ARHGEF38: variants seen among roughly 807,000 people sequenced by gnomAD.
The protein encoded by ARHGEF38 is Rho guanine nucleotide exchange factor (GEF) 38.
In ARHGEF38, 79 loss-of-function variants were observed where a neutral mutation model predicts 79.9. The ratio of observed to expected loss-of-function variants is 0.99; its 90% confidence interval spans 0.82 to 1.19. The LOEUF (loss-of-function observed/expected upper bound fraction) is 1.19, where lower values mean the gene tolerates loss of function less well. Ranked by LOEUF, ARHGEF38 falls within the 50% of genes most tolerant of loss-of-function variation. The pLI is 0.00. For synonymous variants in ARHGEF38, 366 were observed against 328.3 expected (o/e 1.11, Z -1.24); for missense variants, 962 against 907.2 (o/e 1.06, Z -0.78).
At chr4:105,634,285 G>A (rs1729313926) in intron 4 of ARHGEF38, among the ~76,000 whole-genome samples, 1 of 152,120 alleles carries the variant, frequency 6.6e-6, no homozygotes, top group African/African-American at 2.4e-5. Flanking sequence ...AATCTAAGCA[G>A]TAACTACAGA....
At chr4:105,641,299 A>G (rs1365763782) in intron 5 of ARHGEF38, among the ~76,000 whole-genome samples, 6 of 152,134 alleles carry the variant, frequency 3.9e-5, no homozygotes, top group Admixed American at 2.6e-4. Flanking sequence ...ATGGGTAACC[A>G]GTGACTGTAA....
At chr4:105,582,493 C>A (rs1471844566) in intron 1 of ARHGEF38, among the ~76,000 whole-genome samples, 1 of 151,818 alleles carries the variant, frequency 6.6e-6, no homozygotes, top group Non-Finnish European at 1.5e-5. Context: ...CTTCTGTGAC[C>A]CATCAGTTAT....
At chr4:105,647,405 C>A (rs1729891898) in intron 6 of ARHGEF38, among the ~76,000 whole-genome samples, 1 of 151,458 alleles carries the variant, frequency 6.6e-6, no homozygotes, top group African/African-American at 2.4e-5. Context: ...TTAATATTGC[C>A]TTCTTTTTAA....
chr4:105,632,465 GTATA>G (rs1729235235), intron 4 of ARHGEF38, among the ~76,000 whole-genome samples: 4 of 152,062 alleles, frequency 2.6e-5, no homozygotes, highest in African/African-American at 9.7e-5. Context: ...TTCAGTGTTA[GTATA>G]TCAATTCAGA....
At chr4:105,599,780 A>G (rs1461733441) in intron 2 of ARHGEF38, among the ~76,000 whole-genome samples, 1 of 152,214 alleles carries the variant, frequency 6.6e-6, no homozygotes, top group Non-Finnish European at 1.5e-5. Flanking sequence ...ATATGCACTT[A>G]TGTAAGGCAC....
intron 1 of ARHGEF38, among the ~76,000 whole-genome samples, chr4:105,581,035 T>TCTC (rs1726763527): frequency 9.2e-5 from 14 of 152,108 alleles, no homozygotes; most frequent in Non-Finnish European, 1.6e-4. Context: ...ATAGAGACTG[T>TCTC]AAGGAAGAAG....
At chr4:105,617,463 T>A (rs1728555064) in intron 3 of ARHGEF38, among the ~76,000 whole-genome samples, 1 of 152,162 alleles carries the variant, frequency 6.6e-6, no homozygotes, top group Non-Finnish European at 1.5e-5. Context: ...AAGAATAAAT[T>A]TGATATTGAA....
chr4:105,613,367 GT>G lies in ARHGEF38; in HGVS notation c.385-11del, dbSNP rs770409661. ...TACAGTGCTTCTCCATCAGCTCAATGTTTTTTGTTTCTTCAGACTGATAGGC... is the reference window on the plus strand; with the variant it reads ...TACAGTGCTTCTCCATCAGCTCAATGTTTTTGTTTCTTCAGACTGATAGGC... On this transcript the variant is annotated splice_polypyrimidine_tract_variant and intron_variant, in intron 2 of 13. Transcript: ENST00000420470. The G allele has an allele frequency of 9.3e-5, 149 of 1,609,010 alleles. No individual in the cohort carries two copies. The highest frequency in any genetic ancestry group is 1.2e-4 in the Non-Finnish European group (142 of 1,177,324).
chr4:105,591,375 A>T (rs1157988952), intron 2 of ARHGEF38, among the ~76,000 whole-genome samples: 2 of 151,948 alleles, frequency 1.3e-5, no homozygotes, highest in Non-Finnish European at 2.9e-5. Flanking sequence ...ACTACAGGTG[A>T]CTGCCACCAC....
chr4:105,657,494 C>T (rs1730381838), intron 9 of ARHGEF38, among the ~76,000 whole-genome samples: 1 of 152,108 alleles, frequency 6.6e-6, no homozygotes, highest in Non-Finnish European at 1.5e-5. Context: ...TAATACATAT[C>T]TACACTTTTT....
intron 1 of ARHGEF38, among the ~76,000 whole-genome samples, chr4:105,576,611 C>G (rs1232072375): frequency 6.6e-6 from 1 of 152,056 alleles, no homozygotes; most frequent in Non-Finnish European, 1.5e-5. Context: ...AGTCATGTCA[C>G]CAGTGAGCAG....
chr4:105,658,245 C>G (rs1730416954), intron 9 of ARHGEF38, among the ~76,000 whole-genome samples: 1 of 151,962 alleles, frequency 6.6e-6, no homozygotes, highest in African/African-American at 2.4e-5. Context: ...GTATCTCTAC[C>G]AAAAATTTTA....
At chr4:105,670,786 T>C (rs1730932032) in intron 13 of ARHGEF38, among the ~76,000 whole-genome samples, 1 of 152,224 alleles carries the variant, frequency 6.6e-6, no homozygotes, top group Non-Finnish European at 1.5e-5. Flanking sequence ...CTTTGCCTTG[T>C]CCCAATAACC....
At position 105,658,966 on chromosome 4, in the gene ARHGEF38, G is replaced by A; in HGVS notation, c.1234-88G>A. 6.9e-6 allele frequency: 8 copies of A among 1,155,816 alleles called. No individual in the cohort carries two copies. The South Asian group carries it at 1.1e-4, about 17-fold the overall frequency. 71.6% of individuals were successfully genotyped at this position (1,155,816 alleles called of 1,614,324 possible). A position where few individuals can be genotyped will look rare whatever the true frequency, so the allele number is the denominator to read the frequency against. On this transcript the variant is annotated intron_variant, in intron 9 of 13. Transcript: ENST00000420470. ...CCTGTTTTCTTTTGTGCTTCTCGTGGGGGAAAAGGTAAACCTATGGATAGC... is the reference window on the plus strand; with the variant it reads ...CCTGTTTTCTTTTGTGCTTCTCGTGAGGGAAAAGGTAAACCTATGGATAGC...
chr4:105,666,276 G>A lies in ARHGEF38; in HGVS notation c.1645G>A (p.Glu549Lys). 6.5e-7 allele frequency: 1 copy of A among 1,534,516 alleles called. No homozygotes were observed. ...GAAAGAAAACAGTGCCACCTTTATT[G>A]AGAGGAAACTCAGTTTTGAAAAGAA... Reference protein sequence around the residue: ...CVKENSATFIERKLSFEKKKP... With the variant: ...CVKENSATFIKRKLSFEKKKP... Residue 549 changes from glutamate (E) to lysine (K), a missense_variant, in exon 11 of 14, where the codon GAG (glutamate) becomes AAG (lysine). Glu to Lys is a moderately conservative substitution (Grantham distance 56). Coordinates refer to ENST00000420470, the MANE Select transcript of ARHGEF38 (RefSeq NM_001242729.2).
chr4:105,655,806 C>T, intron 9 of ARHGEF38, 84 bp downstream of exon 9: 1 of 1,409,856 alleles, frequency 7.1e-7, no homozygotes, highest in Non-Finnish European at 9.4e-7. Flanking sequence ...TTTCTGGAGT[C>T]AGAAATAAAA....
intron 3 of ARHGEF38, among the ~76,000 whole-genome samples, chr4:105,613,851 C>G (rs534187534): frequency 6.6e-6 from 1 of 152,130 alleles, no homozygotes; most frequent in African/African-American, 2.4e-5. Flanking sequence ...AATAGCTTTA[C>G]TGATTTCTCA....
At chr4:105,561,400 T>TAGAATAGAATAGAATGGAATAGAGTAG (rs59437354) in intron 1 of ARHGEF38, among the ~76,000 whole-genome samples, 1 of 30,160 alleles carries the variant, frequency 3.3e-5, no homozygotes, top group Non-Finnish European at 6.7e-5. Context: ...TAGAGTAGAA[T>TAGAATAGAATAGAATGGAATAGAGTAG]AATAGAATAG....
intron 1 of ARHGEF38, among the ~76,000 whole-genome samples, chr4:105,567,092 C>T (rs918056843): frequency 6.6e-6 from 1 of 152,136 alleles, no homozygotes. Flanking sequence ...ATTTTTAGCA[C>T]CCACAGATAA....
Sources: gnomAD v4.1 joint callset for allele counts (sites outside exome capture counted in the v4.1 genomes callset) on GRCh38, gnomAD v4.1.1 for gene constraint, MANE v1.5 for transcripts, NCBI Gene and HGNC (gene_info 2026-07-23, HGNC 2026-07-21) for gene names.